The following MYOF variants were observed in gnomAD, a reference collection of about 807,000 sequenced individuals.
MYOF encodes myoferlin.
MYOF carries 244 observed loss-of-function variants against 284.2 expected under a neutral mutation model. That is an observed-to-expected ratio of 0.86 (90% CI 0.77 to 0.95). MYOF has a LOEUF of 0.95. Among genes scored for constraint, MYOF ranks in the 40% least tolerant of loss-of-function variants. The pLI, the probability that MYOF is intolerant of heterozygous loss-of-function variation, is 0.00. For missense variants in MYOF, 2,496 were observed against 2,560.6 expected (o/e 0.97, Z 0.54); for synonymous variants, 904 against 919.7 (o/e 0.98, Z 0.31).
intron 16 of MYOF, among the ~76,000 whole-genome samples, chr10:93,393,239 C>A (rs1056778464): frequency 2.0e-5 from 3 of 152,170 alleles, no homozygotes; most frequent in Non-Finnish European, 2.9e-5. Flanking sequence ...ACAGAGGGGG[C>A]CTGGCGAAGT....
chr10:93,315,660 C>T (rs767560815), intron 50 of MYOF, among the ~76,000 whole-genome samples: 3 of 152,120 alleles, frequency 2.0e-5, no homozygotes, highest in Non-Finnish European at 4.4e-5. Flanking sequence ...GACTGTACTG[C>T]AGGCACTATG....
At chr10:93,421,804 ACTT>A (rs1247669967) in intron 5 of MYOF, among the ~76,000 whole-genome samples, 3 of 152,218 alleles carry the variant, frequency 2.0e-5, no homozygotes, top group African/African-American at 7.2e-5. Context: ...AGCCAAATAA[ACTT>A]CTTTTCTTTA....
At chr10:93,328,358 A>T (rs1843147588) in intron 45 of MYOF, among the ~76,000 whole-genome samples, 1 of 152,200 alleles carries the variant, frequency 6.6e-6, no homozygotes, top group Non-Finnish European at 1.5e-5. Context: ...GCCAAATGGG[A>T]ACATAGCAGG....
At chr10:93,470,298 T>C (rs2057114062) in intron 1 of MYOF, among the ~76,000 whole-genome samples, 1 of 151,864 alleles carries the variant, frequency 6.6e-6, no homozygotes, top group South Asian at 2.1e-4. Context: ...ATTAAATAAC[T>C]AAGTACATGT....
intron 3 of MYOF, among the ~76,000 whole-genome samples, chr10:93,436,789 A>G (rs1849144145): frequency 1.3e-5 from 2 of 152,146 alleles, no homozygotes; most frequent in Non-Finnish European, 2.9e-5. Flanking sequence ...ACCATAAGCC[A>G]ATTTCCTTTA....
chr10:93,320,089 G>A, intron 48 of MYOF, 76 bp from the exon 49 acceptor site: 9 of 1,532,502 alleles, frequency 5.9e-6, no homozygotes, highest in Non-Finnish European at 8.1e-6. Flanking sequence ...GCAGTAATTA[G>A]GGGAGCAAAG....
In MYOF at chr10:93,381,144, G is replaced by A. The variant is rs76435681; in HGVS notation, c.1876+75C>T. On this transcript the variant is annotated intron_variant, in intron 20 of 53. Transcript: ENST00000359263. ...CTGCGTAGAACAGTGCCAGAGGGAA[G>A]ACACAGTGCTTGCTTCCGGTCCCGT... 3.9e-3 allele frequency: 5,663 copies of A among 1,470,072 alleles called. 181 individuals are homozygous for A. The African/African-American group carries it at 0.067, about 17-fold the overall frequency. The allele number at this position is 1,470,072 out of a possible 1,614,324, so 91.1% of individuals were successfully genotyped here.
intron 45 of MYOF, among the ~76,000 whole-genome samples, chr10:93,327,868 A>G (rs925157893): frequency 3.3e-5 from 5 of 151,986 alleles, no homozygotes; most frequent in Non-Finnish European, 7.4e-5. Flanking sequence ...AGCGATTCTC[A>G]TGCTTCAGCC....
chr10:93,337,993 T>G, intron 39 of MYOF, 80 bp from the exon 40 acceptor site: 1 of 1,050,118 alleles, frequency 9.5e-7, no homozygotes, highest in Non-Finnish European at 1.5e-6. Flanking sequence ...TTTGTAATAG[T>G]TAAGAAGAAA....
chr10:93,462,228 C>A (rs1015533112), intron 1 of MYOF, among the ~76,000 whole-genome samples: 1 of 152,054 alleles, frequency 6.6e-6, no homozygotes, highest in Non-Finnish European at 1.5e-5. Flanking sequence ...TGCCACCACA[C>A]CCAGCTAATT....
At position 93,366,406 on chromosome 10, in the gene MYOF, A is replaced by G. The variant is rs745535877; in HGVS notation, c.2739T>C (p.Val913=). The change falls in exon 26 of 54, where the codon GTT becomes GTC. Residue 913 remains valine, a synonymous_variant. Transcript: ENST00000359263. ...GGACAACTTACCTTCTTTCAGGATC[A>G]ACTATCCACTCTCCTTCCCATTCCC... ...KGWEWEGEWI[V]DPERSLLTEA... is the part of the protein sequence containing the mutation. 32 of 1,612,108 alleles carry G rather than the reference A, an allele frequency of 2.0e-5. 1 individual carries two copies. In the South Asian group the frequency reaches 3.5e-4, roughly 18 times the overall value.
chr10:93,441,114 A>G (rs763412164), intron 3 of MYOF, among the ~76,000 whole-genome samples: 4 of 152,214 alleles, frequency 2.6e-5, no homozygotes, highest in Non-Finnish European at 5.9e-5. Context: ...ACCTGTTTCA[A>G]TCCATGGGCT....
intron 50 of MYOF, among the ~76,000 whole-genome samples, chr10:93,316,511 A>G (rs1842618215): frequency 1.3e-5 from 2 of 152,094 alleles, no homozygotes; most frequent in East Asian, 1.9e-4. Context: ...GACCCTCACC[A>G]GAGCCCTTGA....
At position 93,342,195 on chromosome 10, in the gene MYOF, T is replaced by G. The variant is rs2298159; in HGVS notation, c.4326+1661A>C. ...CTCCAGCCCCCAGCAACAGCATAGT[T>G]ATTTTTGAGGCATTCCCTCCATTTA... On this transcript the variant is annotated intron_variant, in intron 38 of 53. Coordinates refer to ENST00000359263, the MANE Select transcript of MYOF (RefSeq NM_013451.4). Among the ~76,000 whole-genome samples, 57 of 152,326 alleles carry G rather than the reference T, an allele frequency of 3.7e-4. No homozygotes were observed. In the East Asian group the frequency reaches 9.4e-3, roughly 25 times the overall value.
At chr10:93,323,701 A>G (rs1239092878) in intron 46 of MYOF, 8 of 227,336 alleles carry the variant, frequency 3.5e-5, no homozygotes, top group East Asian at 2.8e-4. Flanking sequence ...ACGCACGTGC[A>G]CACACACACA....
chr10:93,393,754 G>T (rs561595548), intron 16 of MYOF, among the ~76,000 whole-genome samples: 1 of 152,214 alleles, frequency 6.6e-6, no homozygotes, highest in South Asian at 2.1e-4. Context: ...GAAGAGAAGA[G>T]ACTATTAGCA....
chr10:93,374,944 G>C lies in MYOF; in HGVS notation c.2120C>G (p.Pro707Arg). The C allele has an allele frequency of 1.2e-6, 2 of 1,611,208 alleles. No individual in the cohort carries two copies. Among genetic ancestry groups the C allele is most frequent in the Non-Finnish European group, 1.7e-6 (2 of 1,179,268 alleles). The change falls in exon 23 of 54, where the codon CCT (proline) becomes CGT (arginine). Residue 707 changes from proline to arginine, a missense_variant. Pro to Arg is a moderately radical substitution (Grantham distance 103). Transcript: ENST00000359263. ...EVIEDTRYTL[P>R]LTEGKANVTV... ...GACGTTGGCTTTTCCTTCTGTGAGA[G>C]GCAACGTGTATCTAGAAAAATGAAG...
chr10:93,377,882 G>A (rs7919433), intron 21 of MYOF, among the ~76,000 whole-genome samples: 64,750 of 152,010 alleles, frequency 0.43, 15,946 homozygotes, highest in East Asian at 0.86. Flanking sequence ...AGAGGACTAG[G>A]ATAAACCTTG....
At chr10:93,473,912 T>A (rs1301272373) in intron 1 of MYOF, among the ~76,000 whole-genome samples, 1 of 152,134 alleles carries the variant, frequency 6.6e-6, no homozygotes, top group Non-Finnish European at 1.5e-5. Context: ...TTTTGTTCGA[T>A]CTCTTGGTGG....
Sources: allele counts gnomAD v4.1 joint callset (sites outside exome capture counted in the v4.1 genomes callset), GRCh38; gene constraint gnomAD v4.1.1; transcripts MANE v1.5; gene names NCBI Gene and HGNC (gene_info 2026-07-23, HGNC 2026-07-21).